Variants in USP30 observed in about 807,000 individuals in gnomAD.
The protein encoded by USP30 is ubiquitin specific peptidase 30.
A neutral mutation model predicts 68.2 loss-of-function variants in USP30; 41 were observed. That is an observed-to-expected ratio of 0.60 (90% CI 0.47 to 0.78). The LOEUF (loss-of-function observed/expected upper bound fraction) is 0.78. Among genes scored for constraint, USP30 ranks in the 30% least tolerant of loss-of-function variants. The probability of loss-of-function intolerance (pLI) is 0.00; values close to 1 mark genes in which losing one functional copy is unlikely to be tolerated. For synonymous variants in USP30, 229 were observed against 253.7 expected (o/e 0.90, Z 0.93); for missense variants, 522 against 649.4 (o/e 0.80, Z 2.13).
chr12:109,077,535 G>T (rs951783090), intron 7 of USP30, among the ~76,000 whole-genome samples: 2 of 151,752 alleles, frequency 1.3e-5, no homozygotes, highest in African/African-American at 4.9e-5. Context: ...TGTCATTTTC[G>T]GCCTTTGTAT....
intron 7 of USP30, among the ~76,000 whole-genome samples, chr12:109,079,454 C>T (rs777387521): frequency 1.4e-5 from 2 of 145,298 alleles, no homozygotes; most frequent in Non-Finnish European, 3.0e-5. Context: ...GCCTCAACCT[C>T]CCAGGCTCAA....
At chr12:109,023,816 G>A (rs929920655) in intron 1 of USP30, among the ~76,000 whole-genome samples, 2 of 150,792 alleles carry the variant, frequency 1.3e-5, no homozygotes, top group Non-Finnish European at 3.0e-5. Context: ...TGTATTTCTA[G>A]TAGAGACGGG....
chr12:109,050,560 A>G (rs1375918546), upstream of USP30, among the ~76,000 whole-genome samples: 1 of 152,118 alleles, frequency 6.6e-6, no homozygotes, highest in Non-Finnish European at 1.5e-5. Context: ...CTCAGTCTGG[A>G]GTCGGAGAAA....
At chr12:109,030,527 G>A (rs1389770047) in intron 3 of USP30, among the ~76,000 whole-genome samples, 1 of 152,174 alleles carries the variant, frequency 6.6e-6, no homozygotes, top group Non-Finnish European at 1.5e-5. Context: ...CGTACAGCAT[G>A]GTGACTATAG....
Position 109,070,457 on chromosome 12 carries a change from G to A in USP30, c.481-1155G>A, listed in dbSNP as rs1350243481. On this transcript the variant is annotated intron_variant, in intron 4 of 12. Transcript: ENST00000257548. The surrounding 1 kb of genome is among the most constrained non-coding windows in gnomAD (Gnocchi z 4.0). Reference sequence around the variant, plus strand: ...TGAGCACAGCCCGAAATGGGAATAAGCTGGATATGTTCAAGGAACAGCAAA... The same window carrying A: ...TGAGCACAGCCCGAAATGGGAATAAACTGGATATGTTCAAGGAACAGCAAA... Among the ~76,000 whole-genome samples the A allele has an allele frequency of 6.6e-6, 1 of 152,104 alleles. No individual in the cohort carries two copies. The highest frequency in any genetic ancestry group is 1.5e-5 in the Non-Finnish European group (1 of 68,016).
chr12:109,028,565 C>T (rs909497754), intron 3 of USP30, among the ~76,000 whole-genome samples: 2 of 152,102 alleles, frequency 1.3e-5, no homozygotes, highest in Non-Finnish European at 2.9e-5. Context: ...GCAACCTCCA[C>T]CTACCAGGTT....
At chr12:109,045,137 C>G (rs1044526039) in intron 3 of USP30, among the ~76,000 whole-genome samples, 2 of 151,968 alleles carry the variant, frequency 1.3e-5, no homozygotes, top group Admixed American at 6.6e-5. Flanking sequence ...TACTACCATG[C>G]CTGGCTAATT....
intron 4 of USP30, among the ~76,000 whole-genome samples, chr12:109,069,234 C>T (rs1004419963): frequency 1.3e-5 from 2 of 152,178 alleles, no homozygotes; most frequent in Non-Finnish European, 2.9e-5. Flanking sequence ...CATGGCTGAC[C>T]CACGGTTTAG....
Position 109,053,915 on chromosome 12 carries a change from G to A in USP30, c.83+1154G>A, listed in dbSNP as rs78010052. ...GTGGTTTTAAGCACAGACCTGGGGA[G>A]ACAGACAGGCATGATTCAGAGCCAT... is the stretch of plus-strand genomic sequence containing the variant. On this transcript the variant is annotated intron_variant, in intron 1 of 12. Transcript: ENST00000257548. 666 of 440,994 alleles carry A rather than the reference G, an allele frequency of 1.5e-3. 5 individuals are homozygous for A. Among genetic ancestry groups the A allele is most frequent in the African/African-American group, 0.012 (605 of 49,648 alleles). 27.3% of individuals were successfully genotyped at this position (440,994 alleles called of 1,614,324 possible). A position where few individuals can be genotyped will look rare whatever the true frequency, so the allele number is the denominator to read the frequency against.
chr12:109,076,754 C>T (rs1239174578), intron 7 of USP30, among the ~76,000 whole-genome samples: 4 of 116,346 alleles, frequency 3.4e-5, no homozygotes, highest in South Asian at 2.6e-4. Flanking sequence ...TTTTTTGAGA[C>T]GGAGTCTTGC....
At chr12:109,063,976 C>G (rs1282275884) in intron 3 of USP30, among the ~76,000 whole-genome samples, 1 of 149,804 alleles carries the variant, frequency 6.7e-6, no homozygotes, top group African/African-American at 2.5e-5. Flanking sequence ...GAGTTCTAAG[C>G]GATTCTCCTG....
intron 5 of USP30, among the ~76,000 whole-genome samples, 153 bp from the exon 6 acceptor site, chr12:109,072,152 T>C (rs1438400959): frequency 6.6e-6 from 1 of 152,204 alleles, no homozygotes; most frequent in Non-Finnish European, 1.5e-5. Context: ...GATAGGCTAA[T>C]TGAGGCTACC....
intron 3 of USP30, among the ~76,000 whole-genome samples, chr12:109,046,941 C>T (rs550934249): frequency 2.0e-5 from 3 of 152,158 alleles, no homozygotes; most frequent in Non-Finnish European, 4.4e-5. Flanking sequence ...AGGTGATCCA[C>T]CCGCCTGGGC....
At chr12:109,030,589 GAC>G (rs1284511047) in intron 3 of USP30, among the ~76,000 whole-genome samples, 1 of 152,116 alleles carries the variant, frequency 6.6e-6, no homozygotes, top group African/African-American at 2.4e-5. Flanking sequence ...GTTTTCACCA[GAC>G]ACACACACAA....
chr12:109,066,575 C>G (rs937616016), intron 3 of USP30, among the ~76,000 whole-genome samples: 3 of 152,144 alleles, frequency 2.0e-5, no homozygotes, highest in Admixed American at 6.5e-5. Flanking sequence ...ATCCCAGCTA[C>G]TCGGGAGGCT....
intron 3 of USP30, among the ~76,000 whole-genome samples, chr12:109,032,524 G>T (rs2040489842): frequency 1.3e-5 from 2 of 152,190 alleles, no homozygotes; most frequent in Admixed American, 1.3e-4. Flanking sequence ...ATTGTGTTAG[G>T]TGAAACAATC....
chr12:109,073,437 G>C lies in USP30; in HGVS notation c.626-1G>C. The C allele has an allele frequency of 6.2e-7, 1 of 1,613,302 alleles. No homozygotes were observed. On this transcript the variant is annotated splice_acceptor_variant, in intron 6 of 12. Coordinates refer to ENST00000257548, the MANE Select transcript of USP30 (RefSeq NM_032663.5). LOFTEE classifies it high-confidence loss of function. ...ATATCAAAAAACTTTTTGCATTCCAGGGTCACCTCACCCTACATCCAATCA... is the reference window on the plus strand; with the variant it reads ...ATATCAAAAAACTTTTTGCATTCCACGGTCACCTCACCCTACATCCAATCA...
In USP30 at chr12:109,086,959, C is replaced by T. The variant is rs1324139874; in HGVS notation, c.*1028C>T. 6.6e-6 allele frequency: 1 copy of T among 152,044 alleles called. No individual in the cohort carries two copies. The highest frequency in any genetic ancestry group is 1.5e-5 in the Non-Finnish European group (1 of 68,018). The allele number at this position is 152,044 out of a possible 1,614,324, so 9.4% of individuals were successfully genotyped here. A position where few individuals can be genotyped will look rare whatever the true frequency, so the allele number is the denominator to read the frequency against. On this transcript the variant is annotated 3_prime_UTR_variant, in exon 13 of 13. Transcript: ENST00000257548. The stretch of plus-strand genomic sequence containing the variant: ...GTGAAGGGTTAGATTTGATGACCAC[C>T]AAAGTTCAGCCCTTTTCACGAAAAG...
At chr12:109,052,802 C>T (rs1192853336) in intron 1 of USP30, 41 bp downstream of exon 1, 10 of 1,416,614 alleles carry the variant, frequency 7.1e-6, no homozygotes, top group Non-Finnish European at 9.2e-6. Flanking sequence ...AGGCCGGGAC[C>T]AGGGTCCCCA....
Sources: gnomAD v4.1 joint callset for allele counts (sites outside exome capture counted in the v4.1 genomes callset) on GRCh38, gnomAD v4.1.1 for gene constraint, Gnocchi (gnomAD v3.1) non-coding constraint, MANE v1.5 for transcripts, NCBI Gene and HGNC (gene_info 2026-07-23, HGNC 2026-07-21) for gene names.